The following PITPNM1 variants were observed in gnomAD, a reference collection of about 807,000 sequenced individuals.
The protein encoded by PITPNM1 is phosphatidylinositol transfer protein membrane associated 1.
Under a neutral mutation model 133.3 loss-of-function variants are expected in PITPNM1, and 74 were observed. The observed-to-expected ratio is 0.56, with a 90% CI of 0.46 to 0.67. PITPNM1 has a LOEUF of 0.67. Ranked by LOEUF, PITPNM1 falls within the 30% of genes least tolerant of loss-of-function variation. The probability of loss-of-function intolerance (pLI) is 0.00; values close to 1 mark genes in which losing one functional copy is unlikely to be tolerated. For missense variants in PITPNM1, 1,398 were observed against 1,739.5 expected (o/e 0.80, Z 3.49); for synonymous variants, 738 against 741.4 (o/e 1.00, Z 0.08).
Position 67,494,250 on chromosome 11 carries a change from T to C in PITPNM1, c.2853A>G (p.Gly951=). 1.2e-6 allele frequency: 2 copies of C among 1,612,338 alleles called. No homozygotes were observed. Among genetic ancestry groups the C allele is most frequent in the South Asian group, 2.2e-5 (2 of 91,072 alleles). ...AGGGCCTCTGGGTCCTGACCTTCTCTCCAGTGAGCGTGACGACGTCCAGGG... is the reference window on the plus strand; with the variant it reads ...AGGGCCTCTGGGTCCTGACCTTCTCCCCAGTGAGCGTGACGACGTCCAGGG... The part of the protein sequence containing the change: ...YGPLDVVTLT[G]EKVDVYIMTQ... Residue 951 remains glycine (G), a synonymous_variant, in exon 19 of 24, where the codon GGA becomes GGG. Coordinates refer to ENST00000356404, the MANE Select transcript of PITPNM1 (RefSeq NM_004910.3).
Position 67,499,850 on chromosome 11 carries a change from T to C in PITPNM1, c.1064-20A>G, listed in dbSNP as rs954044464. 1.3e-6 allele frequency: 2 copies of C among 1,586,058 alleles called. No homozygotes were observed. The highest frequency in any genetic ancestry group is 1.7e-6 in the Non-Finnish European group (2 of 1,158,478). On this transcript the variant is annotated intron_variant, in intron 7 of 23. Coordinates refer to ENST00000356404, the MANE Select transcript of PITPNM1 (RefSeq NM_004910.3). ...AGCCTTCTGAGGGGACAGGGGGCTG[T>C]GTCATGGGGTGGGAGGAGCTGCTCG...
intron 5 of PITPNM1, among the ~76,000 whole-genome samples, chr11:67,501,155 C>T (rs1046402056): frequency 6.6e-5 from 10 of 152,168 alleles, no homozygotes. Context: ...AGTAATTAGC[C>T]ATGGGTCTGT....
chr11:67,499,176 C>T (rs1591061964), intron 8 of PITPNM1, among the ~76,000 whole-genome samples, 175 bp from the exon 9 acceptor site: 1 of 152,288 alleles, frequency 6.6e-6, no homozygotes, highest in South Asian at 2.1e-4. Flanking sequence ...GCCTTTGCTC[C>T]TACTGGTCTT....
At position 67,494,917 on chromosome 11, in the gene PITPNM1, C is replaced by A. The variant is rs1866064676; in HGVS notation, c.2671G>T (p.Glu891Ter). Residue 891 changes from glutamate to a stop codon, truncating the protein, a stop_gained, in exon 18 of 24, where the codon GAG (glutamate) becomes TAG (stop). Coordinates refer to ENST00000356404, the MANE Select transcript of PITPNM1 (RefSeq NM_004910.3). LOFTEE classifies it high-confidence loss of function. ...KERPQLAECE[E>*]PSIYSPAFPR... Reference sequence around the variant, plus strand: ...AAGGCCGGGCTGTAGATGGACGGCTCCTCGCATTCCGCCAGCTGTGGCCGC... The same window carrying A: ...AAGGCCGGGCTGTAGATGGACGGCTACTCGCATTCCGCCAGCTGTGGCCGC... 6.2e-7 allele frequency: 1 copy of A among 1,612,894 alleles called. No homozygotes were observed. The highest frequency in any genetic ancestry group is 8.5e-7 in the Non-Finnish European group (1 of 1,179,804).
intron 7 of PITPNM1, 28 bp from the exon 8 acceptor site, chr11:67,499,858 G>A: frequency 6.3e-7 from 1 of 1,590,450 alleles, no homozygotes. Flanking sequence ...TGTGTCATGG[G>A]GTGGGAGGAG....
At chr11:67,494,778 G>T in intron 18 of PITPNM1, 68 bp downstream of exon 18, 1 of 524,392 alleles carries the variant, frequency 1.9e-6, no homozygotes, top group Non-Finnish European at 3.1e-6. Context: ...GGGGGGAGGG[G>T]CGGGGCCTCT....
intron 8 of PITPNM1, among the ~76,000 whole-genome samples, chr11:67,499,241 T>G (rs769584922): frequency 3.3e-5 from 5 of 152,182 alleles, no homozygotes; most frequent in Non-Finnish European, 7.4e-5. Context: ...CAAACTTCTC[T>G]AACCCTGCCC....
In PITPNM1 at chr11:67,494,871, C is replaced by T; in HGVS notation, c.2717G>A (p.Arg906Gln). The T allele has an allele frequency of 6.2e-7, 1 of 1,612,810 alleles. No homozygotes were observed. Among genetic ancestry groups the T allele is most frequent in the Non-Finnish European group, 8.5e-7 (1 of 1,179,750 alleles). ...CCGGATCTTGACCTGCGTGCGTTTT[C>T]GCTGCCACTTCTCCCTGGGGAAGGC... The part of the protein sequence containing the change: ...SPAFPREKWQ[R>Q]KRTQVKIRNV... The change falls in exon 18 of 24, where the codon CGA (arginine) becomes CAA (glutamine). Residue 906 changes from arginine to glutamine, a missense_variant. By Grantham distance (43) the Arg-to-Gln change is conservative (BLOSUM62 1). Transcript: ENST00000356404.
At chr11:67,494,793 TGAGTGGGCGA>T in intron 18 of PITPNM1, 43 bp downstream of exon 18, 1 of 337,230 alleles carries the variant, frequency 3.0e-6, no homozygotes, top group Non-Finnish European at 4.7e-6. Flanking sequence ...GCCTCTCTGG[TGAGTGGGCGA>T]GAGTGGGCGA....
At position 67,501,784 on chromosome 11, in the gene PITPNM1, G is replaced by GAC. The variant is rs1866327700; in HGVS notation, c.640+77_640+78insGT. Reference sequence around the variant, plus strand: ...GCTTTCTGCTTCTGTGTCCCCAGTGGATGGGAGCATCCCTGGCCCTAAACA... The same window carrying GAC: ...GCTTTCTGCTTCTGTGTCCCCAGTGGACATGGGAGCATCCCTGGCCCTAAACA... On this transcript the variant is annotated intron_variant, in intron 5 of 23. Coordinates refer to ENST00000356404, the MANE Select transcript of PITPNM1 (RefSeq NM_004910.3). The GAC allele has an allele frequency of 6.4e-6, 8 of 1,251,148 alleles. No individual in the cohort carries two copies. The South Asian group carries it at 8.0e-5, about 13-fold the overall frequency. The allele number at this position is 1,251,148 out of a possible 1,614,324, so 77.5% of individuals were successfully genotyped here. A position where few individuals can be genotyped will look rare whatever the true frequency, so the allele number is the denominator to read the frequency against.
Position 67,504,028 on chromosome 11 carries a change from C to T in PITPNM1, c.78+75G>A, listed in dbSNP as rs529495167. ...CCTCCTCCGGGCTCCCAGCCGGTCC[C>T]AGCCCCGGGGCAGGGCTGGCGGGGT... On this transcript the variant is annotated intron_variant, in intron 2 of 23. Coordinates refer to ENST00000356404, the MANE Select transcript of PITPNM1 (RefSeq NM_004910.3). The surrounding 1 kb of genome is among the most constrained non-coding windows in gnomAD (Gnocchi z 5.4). The T allele has an allele frequency of 2.0e-5, 25 of 1,224,148 alleles. No individual in the cohort carries two copies. In the Admixed American group the frequency reaches 3.7e-4, roughly 18 times the overall value. The allele number at this position is 1,224,148 out of a possible 1,614,324, so 75.8% of individuals were successfully genotyped here.
At chr11:67,497,856 G>T in intron 12 of PITPNM1, 61 bp downstream of exon 12, 1 of 1,532,100 alleles carries the variant, frequency 6.5e-7, no homozygotes, top group Non-Finnish European at 8.9e-7. Context: ...CCAGGGGGCA[G>T]AGACCTAGAG....
Position 67,494,378 on chromosome 11 carries a change from CGT to C in PITPNM1, c.2743-20_2743-19del, listed in dbSNP as rs1866037123. The C allele has an allele frequency of 6.5e-7, 1 of 1,541,416 alleles. No homozygotes were observed. The highest frequency in any genetic ancestry group is 1.8e-5 in the Admixed American group (1 of 54,442). On this transcript the variant is annotated intron_variant, in intron 18 of 23. Transcript: ENST00000356404. ...GTGACGTTCTAGAGGGAGGAGAGGG[CGT>C]GAGTCCGCGGCCAGCAAAGGATGGG...
chr11:67,502,679 C>T lies in PITPNM1; in HGVS notation c.118G>A (p.Val40Met), dbSNP rs1405980425. Residue 40 changes from valine (V) to methionine (M), a missense_variant, in exon 3 of 24, where the codon GTG becomes ATG. By Grantham distance (21) the Val-to-Met change is conservative (BLOSUM62 1). Transcript: ENST00000356404. This position sits in a 1 kb window ranked among gnomAD's most constrained non-coding sequence, Gnocchi z 5.9. ...REESSGEGSG[V>M]EILANRPYTD... Reference sequence around the variant, plus strand: ...TAGGGCCGGTTGGCCAGGATCTCCACGCCGCTGCCCTCACCACTAGACTCC... The same window carrying T: ...TAGGGCCGGTTGGCCAGGATCTCCATGCCGCTGCCCTCACCACTAGACTCC... 8 of 1,613,310 alleles carry T rather than the reference C, an allele frequency of 5.0e-6. No individual in the cohort carries two copies. Among genetic ancestry groups the T allele is most frequent in the African/African-American group, 1.3e-5 (1 of 74,918 alleles).
At position 67,498,543 on chromosome 11, in the gene PITPNM1, C is replaced by G; in HGVS notation, c.1484+53G>C. The G allele has an allele frequency of 6.4e-7, 1 of 1,571,148 alleles. No homozygotes were observed. The highest frequency in any genetic ancestry group is 8.6e-7 in the Non-Finnish European group (1 of 1,163,094). ...CTGACCCCTTCCCCGCTCCCTGCCC[C>G]GCTCCCTGGCCTGATCCTACGAGTT... On this transcript the variant is annotated intron_variant, in intron 10 of 23. Coordinates refer to ENST00000356404, the MANE Select transcript of PITPNM1 (RefSeq NM_004910.3). The surrounding 1 kb of genome is among the most constrained non-coding windows in gnomAD (Gnocchi z 5.7).
In PITPNM1 at chr11:67,502,899, C is replaced by T. The variant is rs1016725815; in HGVS notation, c.79-181G>A. Among the ~76,000 whole-genome samples, 2 of 152,220 alleles carry T rather than the reference C, an allele frequency of 1.3e-5. No individual in the cohort carries two copies. Among genetic ancestry groups the T allele is most frequent in the Admixed American group, 6.5e-5 (1 of 15,282 alleles). ...CAGAATCACAGATGCAGCCCAGCCC[C>T]GCATGGGGTCTGCAACCCAGCACTC... is the stretch of plus-strand genomic sequence containing the variant. On this transcript the variant is annotated intron_variant, in intron 2 of 23. Transcript: ENST00000356404. The surrounding 1 kb of genome is among the most constrained non-coding windows in gnomAD (Gnocchi z 5.9).
chr11:67,493,201 C>A, intron 22 of PITPNM1, 139 bp from the exon 23 acceptor site: 1 of 1,176,488 alleles, frequency 8.5e-7, no homozygotes, highest in Non-Finnish European at 1.2e-6. Context: ...CCCACGGGGA[C>A]AGGGGCGGGA....
At position 67,500,440 on chromosome 11, in the gene PITPNM1, C is replaced by T. The variant is rs1314477595; in HGVS notation, c.641-19G>A. On this transcript the variant is annotated intron_variant, in intron 5 of 23. Transcript: ENST00000356404. ...CGCAGACCTGCAGGTGCCCAGGCGT[C>T]AGAACTGCCCCCTCCCCCTGCTTCC... 1 of 1,591,922 alleles carries T rather than the reference C, an allele frequency of 6.3e-7. No individual in the cohort carries two copies. The highest frequency in any genetic ancestry group is 8.5e-7 in the Non-Finnish European group (1 of 1,170,100).
chr11:67,497,182 G>A (rs1444969620), intron 14 of PITPNM1, 49 bp downstream of exon 14: 15 of 1,461,012 alleles, frequency 1.0e-5, no homozygotes, highest in African/African-American at 1.4e-5. Flanking sequence ...GGTGGGGAAG[G>A]AAGGGGCAGA....
Sources: gnomAD v4.1 joint callset for allele counts (sites outside exome capture counted in the v4.1 genomes callset) on GRCh38, gnomAD v4.1.1 for gene constraint, Gnocchi (gnomAD v3.1) non-coding constraint, MANE v1.5 for transcripts, NCBI Gene and HGNC (gene_info 2026-07-23, HGNC 2026-07-21) for gene names.